The following STXBP5L variants were observed in gnomAD, a reference collection of about 807,000 sequenced individuals.
STXBP5L encodes syntaxin-binding protein 5-like.
STXBP5L carries 65 observed loss-of-function variants against 144.5 expected under a neutral mutation model. That is an observed-to-expected ratio of 0.45 (90% CI 0.37 to 0.55). The LOEUF (loss-of-function observed/expected upper bound fraction) is 0.55, where lower values mean the gene tolerates loss of function less well. Among genes scored for constraint, STXBP5L ranks in the 20% least tolerant of loss-of-function variants. The pLI, the probability that STXBP5L is intolerant of heterozygous loss-of-function variation, is 0.00. For missense variants in STXBP5L, 1,298 were observed against 1,405.5 expected, an observed-to-expected ratio of 0.92 and a Z score of 1.22; for synonymous variants, 505 against 469.6, an observed-to-expected ratio of 1.08 and a Z score of -0.97.
intron 9 of STXBP5L, among the ~76,000 whole-genome samples, chr3:121,205,093 A>G (rs2048287303): frequency 6.6e-6 from 1 of 152,212 alleles, no homozygotes; most frequent in Non-Finnish European, 1.5e-5. Context: ...ATTTCTCTGT[A>G]TGAAAGGAGT....
rs1162588768 is a variant in STXBP5L at position 121,004,289 on chromosome 3, G to A, written c.288-37411G>A. Among the ~76,000 whole-genome samples, 13 of 151,280 alleles carry A rather than the reference G, an allele frequency of 8.6e-5. No homozygotes were observed. In the East Asian group the frequency reaches 2.3e-3, roughly 27 times the overall value. On this transcript the variant is annotated intron_variant, in intron 3 of 26. Coordinates refer to ENST00000471454, the MANE Select transcript of STXBP5L (RefSeq NM_001308330.2). ...ACATCCCTTGTAAGTTGGATTCCTA[G>A]GTATTTTATTCTCTTTGAAGCAATT...
At chr3:121,251,209 A>C (rs1483264587) in intron 15 of STXBP5L, among the ~76,000 whole-genome samples, 1 of 152,232 alleles carries the variant, frequency 6.6e-6, no homozygotes, top group African/African-American at 2.4e-5. Flanking sequence ...TAAATTCTTG[A>C]GAATTATGTA....
chr3:121,338,415 G>A (rs1361984327), intron 20 of STXBP5L, among the ~76,000 whole-genome samples: 4 of 151,692 alleles, frequency 2.6e-5, no homozygotes, highest in East Asian at 1.9e-4. Context: ...AGTCTGAGGC[G>A]GGTGGATCAC....
At chr3:120,930,374 G>A (rs1709869396) in intron 2 of STXBP5L, among the ~76,000 whole-genome samples, 1 of 151,564 alleles carries the variant, frequency 6.6e-6, no homozygotes, top group Non-Finnish European at 1.5e-5. Flanking sequence ...TCCTTATATT[G>A]ATGTGTTTTG....
At chr3:121,393,193 T>C (rs1332379999) in intron 22 of STXBP5L, among the ~76,000 whole-genome samples, 1 of 151,084 alleles carries the variant, frequency 6.6e-6, no homozygotes, top group African/African-American at 2.4e-5. Flanking sequence ...TGTTGAACAT[T>C]TTTTTTTTTC....
intron 3 of STXBP5L, among the ~76,000 whole-genome samples, chr3:121,005,944 C>G (rs1350492611): frequency 6.6e-6 from 1 of 152,140 alleles, no homozygotes; most frequent in Non-Finnish European, 1.5e-5. Context: ...TGTTCTTTTA[C>G]ATTTGCTGAG....
At chr3:120,941,623 C>A (rs2107653751) in intron 2 of STXBP5L, among the ~76,000 whole-genome samples, 1 of 151,746 alleles carries the variant, frequency 6.6e-6, no homozygotes, top group South Asian at 2.1e-4. Flanking sequence ...TTACAAAATA[C>A]TTTATTACAA....
intron 2 of STXBP5L, among the ~76,000 whole-genome samples, chr3:120,942,630 AT>A (rs1035992157): frequency 2.0e-5 from 3 of 149,992 alleles, no homozygotes; most frequent in South Asian, 2.1e-4. Flanking sequence ...ATAGCTACTG[AT>A]TTTTTTTTGT....
At chr3:120,951,979 A>G (rs1263515581) in intron 2 of STXBP5L, among the ~76,000 whole-genome samples, 2 of 151,892 alleles carry the variant, frequency 1.3e-5, no homozygotes, top group African/African-American at 4.8e-5. Context: ...GCAGCCATAA[A>G]AAATGATGAG....
chr3:121,104,675 G>A (rs2043603226), intron 5 of STXBP5L, among the ~76,000 whole-genome samples: 1 of 152,110 alleles, frequency 6.6e-6, no homozygotes. Context: ...AAGTGGTGCT[G>A]GTATAATTGA....
chr3:120,955,968 T>C (rs1346367371), intron 3 of STXBP5L, among the ~76,000 whole-genome samples: 1 of 152,040 alleles, frequency 6.6e-6, no homozygotes, highest in African/African-American at 2.4e-5. Flanking sequence ...CATGTATCAA[T>C]AGTTTATTCC....
chr3:121,220,293 T>G (rs1169838309), intron 10 of STXBP5L, among the ~76,000 whole-genome samples: 1 of 152,116 alleles, frequency 6.6e-6, no homozygotes, highest in Non-Finnish European at 1.5e-5. Flanking sequence ...AAGTTATGTA[T>G]CCATAATTTG....
chr3:121,315,885 C>A lies in STXBP5L; in HGVS notation c.2111-2590C>A, dbSNP rs144785888. On this transcript the variant is annotated intron_variant, in intron 19 of 26. Transcript: ENST00000471454. The stretch of plus-strand genomic sequence containing the variant: ...GGCTTGGTGGCACACACCTGTAATC[C>A]CAGCTACTTGAGAGGCTGAGGCAGG... Among the ~76,000 whole-genome samples, 94 of 151,678 alleles carry A rather than the reference C, an allele frequency of 6.2e-4. 1 individual carries two copies. The East Asian group carries it at 0.016, about 26-fold the overall frequency.
intron 19 of STXBP5L, among the ~76,000 whole-genome samples, chr3:121,297,735 CAG>C (rs1170448430): frequency 6.6e-6 from 1 of 152,170 alleles, no homozygotes; most frequent in Non-Finnish European, 1.5e-5. Flanking sequence ...GCCTGCGCGA[CAG>C]AGTGAGACTC....
At chr3:121,092,755 C>A (rs1006510566) in intron 5 of STXBP5L, among the ~76,000 whole-genome samples, 1 of 152,100 alleles carries the variant, frequency 6.6e-6, no homozygotes, top group African/African-American at 2.4e-5. Flanking sequence ...TAATTGAATA[C>A]CCTTTATTTC....
At chr3:121,264,532 TA>T (rs1225173055) in intron 18 of STXBP5L, among the ~76,000 whole-genome samples, 4 of 152,128 alleles carry the variant, frequency 2.6e-5, no homozygotes, top group Non-Finnish European at 5.9e-5. Context: ...TACCAAATTG[TA>T]AAGACCATCG....
intron 3 of STXBP5L, among the ~76,000 whole-genome samples, chr3:120,997,424 C>T (rs564619784): frequency 6.6e-6 from 1 of 152,190 alleles, no homozygotes; most frequent in Non-Finnish European, 1.5e-5. Context: ...AATAAGCATT[C>T]CCTTTTCTCC....
At chr3:120,947,951 C>T (rs1710964558) in intron 2 of STXBP5L, among the ~76,000 whole-genome samples, 1 of 151,724 alleles carries the variant, frequency 6.6e-6, no homozygotes. Flanking sequence ...TTTCATTTCT[C>T]TTGGGTTTAT....
chr3:121,245,816 CA>C (rs994649666), intron 14 of STXBP5L, among the ~76,000 whole-genome samples: 20 of 151,856 alleles, frequency 1.3e-4, no homozygotes, highest in Non-Finnish European at 2.1e-4. Flanking sequence ...ATTGAAGAAA[CA>C]AACAGAATAA....
Sources: allele counts gnomAD v4.1 joint callset (sites outside exome capture counted in the v4.1 genomes callset), GRCh38; gene constraint gnomAD v4.1.1; transcripts MANE v1.5; gene names NCBI Gene and HGNC (gene_info 2026-07-23, HGNC 2026-07-21).